Variants in UPF2 observed in about 807,000 individuals in gnomAD.
UPF2 encodes regulator of nonsense transcripts 2.
In UPF2, 17 loss-of-function variants were observed where a neutral mutation model predicts 141.4. The ratio of observed to expected loss-of-function variants is 0.12; its 90% CI spans 0.08 to 0.18. The LOEUF is 0.18. Ranked by LOEUF, UPF2 falls within the 10% of genes least tolerant of loss-of-function variation. The pLI, the probability that UPF2 is intolerant of heterozygous loss-of-function variation, is 1.00. For missense variants in UPF2, 1,152 were observed against 1,515.9 expected (o/e 0.76, Z 3.99); for synonymous variants, 540 against 498.0 (o/e 1.08, Z -1.12).
At chr10:11,952,367 G>C (rs1379841994) in intron 14 of UPF2, 118 bp from the exon 15 acceptor site, 1 of 854,706 alleles carries the variant, frequency 1.2e-6, no homozygotes, top group African/African-American at 1.7e-5. Context: ...GGTTATAAAA[G>C]ACACTTACCA....
rs887672517 is a variant in UPF2 at position 11,998,747 on chromosome 10, G to A, written c.1759-990C>T. Among the ~76,000 whole-genome samples the A allele has an allele frequency of 4.6e-5, 7 of 151,910 alleles. No individual in the cohort carries two copies. The highest frequency in any genetic ancestry group is 1.9e-4 in the East Asian group (1 of 5,180). ...CGGGCACCTGTAGTCCCAGCTACTC[G>A]GGAGGCTGAGGCAGGAGAATGGCGT... On this transcript the variant is annotated intron_variant, in intron 7 of 21. Transcript: ENST00000357604. The surrounding 1 kb of genome is among the most constrained non-coding windows in gnomAD (Gnocchi z 4.5).
rs1280188606 is a variant in UPF2, at chr10:12,042,340, C to T, written c.-19+415G>A. On this transcript the variant is annotated intron_variant, in intron 1 of 21. Transcript: ENST00000357604. This position sits in a 1 kb window ranked among gnomAD's most constrained non-coding sequence, Gnocchi z 5.5. ...CCGGTCTCCCCACTCCGCAGCCTCCCACACACGCGCCCTCCCCACTTTCTC... is the reference window on the plus strand; with the variant it reads ...CCGGTCTCCCCACTCCGCAGCCTCCTACACACGCGCCCTCCCCACTTTCTC... 6.6e-6 allele frequency among the ~76,000 whole-genome samples: 1 copy of T among 152,170 alleles called. No individual in the cohort carries two copies. The highest frequency in any genetic ancestry group is 1.5e-5 in the Non-Finnish European group (1 of 68,022).
intron 19 of UPF2, among the ~76,000 whole-genome samples, chr10:11,934,798 C>CAG (rs1376948257): frequency 6.6e-6 from 1 of 152,116 alleles, no homozygotes; most frequent in Non-Finnish European, 1.5e-5. Context: ...CTATGTTGGT[C>CAG]AGGCTGGTCT....
chr10:11,928,248 C>G (rs11599531), intron 21 of UPF2, among the ~76,000 whole-genome samples: 1 of 151,392 alleles, frequency 6.6e-6, no homozygotes, highest in Non-Finnish European at 1.5e-5. Flanking sequence ...GAGGCAGGAG[C>G]ATCACTTGAA....
chr10:12,031,655 A>C (rs1426595345), intron 2 of UPF2, among the ~76,000 whole-genome samples: 1 of 152,174 alleles, frequency 6.6e-6, no homozygotes, highest in Non-Finnish European at 1.5e-5. Flanking sequence ...ACATGCCTGT[A>C]GTCCCAGTTA....
rs549471664 is a variant in UPF2, at chr10:12,029,992, C to T, written c.366-468G>A. Among the ~76,000 whole-genome samples, 28 of 149,436 alleles carry T rather than the reference C, an allele frequency of 1.9e-4. 1 individual carries two copies. The South Asian group carries it at 5.9e-3, about 31-fold the overall frequency. Reference sequence around the variant, plus strand: ...AAAACAAAAAAAAAACACATAAAGACATTTTACTAACGACTAACGATAACA... The same window carrying T: ...AAAACAAAAAAAAAACACATAAAGATATTTTACTAACGACTAACGATAACA... On this transcript the variant is annotated intron_variant, in intron 2 of 21. Transcript: ENST00000357604.
At chr10:11,949,831 C>A (rs114721794) in intron 15 of UPF2, among the ~76,000 whole-genome samples, 1 of 152,158 alleles carries the variant, frequency 6.6e-6, no homozygotes, top group African/African-American at 2.4e-5. Context: ...GTAATCCTAT[C>A]TATCCTGAGA....
At chr10:12,010,658 A>C (rs1834111343) in intron 4 of UPF2, among the ~76,000 whole-genome samples, 1 of 152,170 alleles carries the variant, frequency 6.6e-6, no homozygotes, top group African/African-American at 2.4e-5. Flanking sequence ...AGAAGGAAAG[A>C]GAAAACACAA....
At chr10:11,926,710 G>GA (rs1336323278) in intron 21 of UPF2, among the ~76,000 whole-genome samples, 144 of 44,498 alleles carry the variant, frequency 3.2e-3, no homozygotes, top group African/African-American at 7.4e-3. Flanking sequence ...AGTCAATAAT[G>GA]AACCTCTTTT....
chr10:11,979,048 A>C lies in UPF2; in HGVS notation c.1953+9T>G. 3 of 1,593,218 alleles carry C rather than the reference A, an allele frequency of 1.9e-6. No individual in the cohort carries two copies. Among genetic ancestry groups the C allele is most frequent in the Non-Finnish European group, 2.6e-6 (3 of 1,161,696 alleles). On this transcript the variant is annotated intron_variant, in intron 9 of 21. Transcript: ENST00000357604. This position sits in a 1 kb window ranked among gnomAD's most constrained non-coding sequence, Gnocchi z 6.2. ...ATAAATATTTCAAAATAAATGCTTA[A>C]ATACATACATGAAATCTGAAATCCC...
At position 12,028,930 on chromosome 10, in the gene UPF2, A is replaced by G. The variant is rs1464045951; in HGVS notation, c.960T>C (p.Ala320=). ...SFCRHCGDDI[A]GLVPRKVKSA... is the part of the protein sequence containing the mutation. ...TCTTTACTTTCCTTGGTACAAGTCC[A>G]GCAATATCATCTCCACAATGTCGAC... is the stretch of plus-strand genomic sequence containing the variant. The change falls in exon 3 of 22, where the codon GCT becomes GCC. Residue 320 remains alanine (A), a synonymous_variant. Coordinates refer to ENST00000357604, the MANE Select transcript of UPF2 (RefSeq NM_015542.4). The G allele has an allele frequency of 1.2e-6, 2 of 1,614,200 alleles. No homozygotes were observed. The highest frequency in any genetic ancestry group is 8.5e-7 in the Non-Finnish European group (1 of 1,180,040).
At chr10:12,018,634 C>A (rs987779959) in intron 3 of UPF2, among the ~76,000 whole-genome samples, 1 of 151,764 alleles carries the variant, frequency 6.6e-6, no homozygotes, top group Non-Finnish European at 1.5e-5. Context: ...CACCTACAGT[C>A]CTAGCTACTC....
chr10:11,990,741 C>G (rs1460280947), intron 8 of UPF2, among the ~76,000 whole-genome samples: 1 of 148,698 alleles, frequency 6.7e-6, no homozygotes, highest in African/African-American at 2.5e-5. Flanking sequence ...GTAATCTCAG[C>G]ACTTCGGGAG....
chr10:12,008,811 T>C (rs1475155866), intron 4 of UPF2, among the ~76,000 whole-genome samples: 1 of 151,980 alleles, frequency 6.6e-6, no homozygotes, highest in African/African-American at 2.4e-5. Context: ...CCCGCATGCA[T>C]TAGGTATTTG....
intron 9 of UPF2, among the ~76,000 whole-genome samples, chr10:11,969,075 T>G (rs1232587133): frequency 6.6e-6 from 1 of 151,842 alleles, no homozygotes; most frequent in Non-Finnish European, 1.5e-5. Flanking sequence ...TTGCCCAGGC[T>G]GGTCTCAAAC....
chr10:11,983,027 C>T (rs1291942448), intron 8 of UPF2, among the ~76,000 whole-genome samples: 13 of 152,224 alleles, frequency 8.5e-5, no homozygotes, highest in Admixed American at 6.5e-5. Flanking sequence ...TGTTCAGTTC[C>T]GTGGCAGACA....
chr10:11,967,761 G>C (rs1833346496), intron 9 of UPF2, among the ~76,000 whole-genome samples: 2 of 151,958 alleles, frequency 1.3e-5, no homozygotes, highest in African/African-American at 4.8e-5. Context: ...CATCATGTTG[G>C]CCAGGCTGGT....
At position 12,014,086 on chromosome 10, in the gene UPF2, G is replaced by A; in HGVS notation, c.1244C>T (p.Ser415Phe). The A allele has an allele frequency of 6.2e-7, 1 of 1,600,450 alleles. No homozygotes were observed. The highest frequency in any genetic ancestry group is 1.7e-5 in the Admixed American group (1 of 58,280). Residue 415 changes from serine to phenylalanine, a missense_variant, in exon 4 of 22, where the codon TCC (serine) becomes TTC (phenylalanine). Transcript: ENST00000357604. The surrounding 1 kb of genome is among the most constrained non-coding windows in gnomAD (Gnocchi z 5.0). The part of the protein sequence containing the change: ...SYQKLLANSQ[S>F]LADLLDENMP... ...ATTTTCATCCAAAAGGTCTGCTAAG[G>A]ATTGAGAATTTGCCAGCAGCTTCTG...
rs770026099 is a variant in UPF2, at chr10:12,035,180, C to T, written c.244G>A (p.Ala82Thr). 18 of 1,612,710 alleles carry T rather than the reference C, an allele frequency of 1.1e-5. No homozygotes were observed. The South Asian group carries it at 1.2e-4, about 11-fold the overall frequency. ...TCTTTTTTCTTTGATTCTTCCTCTG[C>T]CTTCACCTTTTCTTCGTCTTTTTTC... ...RKKKDEEKVK[A>T]EEESKKKEEE... Residue 82 changes from alanine to threonine, a missense_variant, in exon 2 of 22, where the codon GCA becomes ACA. By Grantham distance (58) the Ala-to-Thr change is moderately conservative. This residue lies in a region of UPF2 where 145 missense variants were observed against 136.5 expected (regional missense o/e 1.06). Coordinates refer to ENST00000357604, the MANE Select transcript of UPF2 (RefSeq NM_015542.4).
Sources: allele counts gnomAD v4.1 joint callset (sites outside exome capture counted in the v4.1 genomes callset), GRCh38; gene constraint gnomAD v4.1.1; regional missense constraint gnomAD v4.1.1; non-coding constraint Gnocchi (gnomAD v3.1); transcripts MANE v1.5; gene names NCBI Gene and HGNC (gene_info 2026-07-23, HGNC 2026-07-21).